The following BRAP variants were observed in gnomAD, a reference collection of about 807,000 sequenced individuals.
BRAP encodes the protein BRCA1 associated protein.
Under a neutral mutation model 73.4 loss-of-function variants are expected in BRAP, and 42 were observed. The ratio of observed to expected loss-of-function variants is 0.57; its 90% confidence interval spans 0.45 to 0.74. The LOEUF (loss-of-function observed/expected upper bound fraction) is 0.74. Among genes scored for constraint, BRAP ranks in the 30% least tolerant of loss-of-function variants. The pLI is 0.00. For synonymous variants in BRAP, 255 were observed against 267.4 expected, an observed-to-expected ratio of 0.95 and a Z score of 0.45; for missense variants, 593 against 751.4, an observed-to-expected ratio of 0.79 and a Z score of 2.46.
Position 111,659,229 on chromosome 12 carries a change from ATGGT to A in BRAP, c.1085_1088del (p.Asn362IlefsTer24), listed in dbSNP as rs1886649055. On this transcript the variant is annotated frameshift_variant, in exon 8 of 12. Coordinates refer to ENST00000419234, the MANE Select transcript of BRAP (RefSeq NM_006768.5). LOFTEE classifies it high-confidence loss of function. ...CACCTCCAGCATAGTCCCAGACTCG[ATGGT>A]TGGTAAGCTGCATGGCATACGTGTG... 6.2e-7 allele frequency: 1 copy of A among 1,613,970 alleles called. No individual in the cohort carries two copies. The highest frequency in any genetic ancestry group is 1.3e-5 in the African/African-American group (1 of 74,908).
Position 111,679,332 on chromosome 12 carries a change from G to T in BRAP, c.452C>A (p.Thr151Asn). Residue 151 changes from threonine to asparagine, a missense_variant, in exon 4 of 12, where the codon ACC becomes AAC. Coordinates refer to ENST00000419234, the MANE Select transcript of BRAP (RefSeq NM_006768.5). ...IMHLYKTNKM[T>N]SLKEDVRRSA... ...GCGCCGCACATCTTCTTTTAAGGAG[G>T]TCATCTTACTAACAAAAAAAAAATT... 1 of 1,530,908 alleles carries T rather than the reference G, an allele frequency of 6.5e-7. No individual in the cohort carries two copies. The highest frequency in any genetic ancestry group is 8.8e-7 in the Non-Finnish European group (1 of 1,133,720). 94.8% of individuals were successfully genotyped at this position (1,530,908 alleles called of 1,614,324 possible). A position where few individuals can be genotyped will look rare whatever the true frequency, so the allele number is the denominator to read the frequency against.
chr12:111,665,084 G>C lies in BRAP; in HGVS notation c.896+555C>G, dbSNP rs1592982813. Among the ~76,000 whole-genome samples, 1 of 152,090 alleles carries C rather than the reference G, an allele frequency of 6.6e-6. No homozygotes were observed. Among genetic ancestry groups the C allele is most frequent in the African/African-American group, 2.4e-5 (1 of 41,424 alleles). The stretch of plus-strand genomic sequence containing the variant: ...AAAGGGAGCAACCATCCTGGATTTA[G>C]GGGGTAAAAAAAAGGTACAGGCCTT... On this transcript the variant is annotated intron_variant, in intron 6 of 11. Transcript: ENST00000419234. The surrounding 1 kb of genome is among the most constrained non-coding windows in gnomAD (Gnocchi z 4.3).
At chr12:111,676,464 A>T (rs946369307) in intron 4 of BRAP, among the ~76,000 whole-genome samples, 3 of 151,872 alleles carry the variant, frequency 2.0e-5, no homozygotes, top group African/African-American at 7.3e-5. Context: ...CCCAGGCTGG[A>T]GTACAGTGGT....
chr12:111,661,481 G>C (rs1169758294), intron 6 of BRAP, among the ~76,000 whole-genome samples: 1 of 151,796 alleles, frequency 6.6e-6, no homozygotes, highest in Non-Finnish European at 1.5e-5. Flanking sequence ...GTTTCTCCCT[G>C]TTGGTCAGGC....
chr12:111,668,186 G>A (rs1278960894), intron 5 of BRAP, among the ~76,000 whole-genome samples: 1 of 152,136 alleles, frequency 6.6e-6, no homozygotes, highest in Non-Finnish European at 1.5e-5. Flanking sequence ...CAGCCTGGGC[G>A]ACAGAGCAAG....
chr12:111,675,143 C>T (rs1220841864), intron 4 of BRAP, among the ~76,000 whole-genome samples: 1 of 152,010 alleles, frequency 6.6e-6, no homozygotes, highest in Non-Finnish European at 1.5e-5. Context: ...AGCCTGTAGT[C>T]CCAGCTATTT....
At chr12:111,685,064 A>G (rs1277510810) in intron 1 of BRAP, among the ~76,000 whole-genome samples, 2 of 152,226 alleles carry the variant, frequency 1.3e-5, no homozygotes, top group Non-Finnish European at 2.9e-5. Context: ...ACTTGTGTTA[A>G]TGGTGTAAAA....
intron 11 of BRAP, 30 bp from the exon 12 acceptor site, chr12:111,644,592 C>G: frequency 6.2e-7 from 1 of 1,601,586 alleles, no homozygotes; most frequent in Non-Finnish European, 8.5e-7. Context: ...GACAAAAGCA[C>G]ATTTTTCATT....
intron 6 of BRAP, among the ~76,000 whole-genome samples, chr12:111,663,571 C>T (rs1469806297): frequency 2.6e-5 from 4 of 151,960 alleles, no homozygotes; most frequent in African/African-American, 7.3e-5. Context: ...AAAGCCTTCT[C>T]TGACATCTCT....
chr12:111,678,120 T>C (rs1364058311), intron 4 of BRAP, among the ~76,000 whole-genome samples: 1 of 151,624 alleles, frequency 6.6e-6, no homozygotes, highest in Non-Finnish European at 1.5e-5. Flanking sequence ...GGCATGGTGG[T>C]GCATGCCTAT....
At chr12:111,661,490 G>C (rs1886752827) in intron 6 of BRAP, among the ~76,000 whole-genome samples, 1 of 151,754 alleles carries the variant, frequency 6.6e-6, no homozygotes, top group African/African-American at 2.4e-5. Flanking sequence ...TGTTGGTCAG[G>C]CTTGTCTCAA....
At chr12:111,667,983 C>T (rs1488811164) in intron 5 of BRAP, among the ~76,000 whole-genome samples, 1 of 151,972 alleles carries the variant, frequency 6.6e-6, no homozygotes, top group South Asian at 2.1e-4. Flanking sequence ...CCAAGGCAGG[C>T]GGATCACGAG....
chr12:111,681,335 A>G (rs1593000212), intron 3 of BRAP, among the ~76,000 whole-genome samples: 1 of 151,356 alleles, frequency 6.6e-6, no homozygotes, highest in African/African-American at 2.4e-5. Flanking sequence ...GCGCCATTGC[A>G]CTCCAGCCTG....
At chr12:111,659,870 A>G (rs1886678791) in intron 7 of BRAP, among the ~76,000 whole-genome samples, 1 of 151,948 alleles carries the variant, frequency 6.6e-6, no homozygotes, top group Admixed American at 6.6e-5. Flanking sequence ...TTTTTTTTGT[A>G]GAAAAAACAA....
intron 4 of BRAP, among the ~76,000 whole-genome samples, chr12:111,674,712 T>C (rs933101910): frequency 6.6e-6 from 1 of 152,204 alleles, no homozygotes. Context: ...TTTGAAAATG[T>C]TTAAAGCCAG....
At chr12:111,673,310 G>A (rs1887247415) in intron 4 of BRAP, 1 of 152,334 alleles carries the variant, frequency 6.6e-6, no homozygotes, top group African/African-American at 2.4e-5. Flanking sequence ...TTTGAGACCA[G>A]CCTGACCAAC....
At chr12:111,650,073 T>G in intron 10 of BRAP, 31 bp from the exon 11 acceptor site, 5 of 1,468,912 alleles carry the variant, frequency 3.4e-6, no homozygotes, top group Non-Finnish European at 4.8e-6. Context: ...CAGATTCATT[T>G]CACAAAGGTA....
Position 111,665,776 on chromosome 12 carries a change from G to A in BRAP, c.759C>T (p.Leu253=). The change falls in exon 6 of 12, where the codon CTC becomes CTT. Residue 253 remains leucine, a synonymous_variant. Coordinates refer to ENST00000419234, the MANE Select transcript of BRAP (RefSeq NM_006768.5). This position sits in a 1 kb window ranked among gnomAD's most constrained non-coding sequence, Gnocchi z 4.3. ...GGAGTTCAGTCAGGTCCATCACTGG[G>A]AGGCTGGCGCCCTACAGGAAACACC... ...EVLKSEDGAS[L]PVMDLTELPK... is the part of the protein sequence containing the mutation. 3 of 1,614,206 alleles carry A rather than the reference G, an allele frequency of 1.9e-6. No homozygotes were observed. The highest frequency in any genetic ancestry group is 2.5e-6 in the Non-Finnish European group (3 of 1,180,030).
intron 6 of BRAP, among the ~76,000 whole-genome samples, chr12:111,664,311 G>A (rs1297738759): frequency 2.0e-5 from 3 of 152,146 alleles, no homozygotes; most frequent in South Asian, 2.1e-4. Context: ...CAACACGGGT[G>A]ACAGAGCAAG....
Sources: allele counts gnomAD v4.1 joint callset (sites outside exome capture counted in the v4.1 genomes callset), GRCh38; gene constraint gnomAD v4.1.1; non-coding constraint Gnocchi (gnomAD v3.1); transcripts MANE v1.5; gene names NCBI Gene and HGNC (gene_info 2026-07-23, HGNC 2026-07-21).